The following DPP10 variants were observed in gnomAD, a reference collection of about 807,000 sequenced individuals.
DPP10 encodes the protein dipeptidyl peptidase like 10.
DPP10 carries 33 observed loss-of-function variants against 120.9 expected under a neutral mutation model. The observed-to-expected ratio is 0.27, with a 90% CI of 0.21 to 0.37. The LOEUF (loss-of-function observed/expected upper bound fraction) is 0.37, where lower values mean the gene tolerates loss of function less well. Among genes scored for constraint, DPP10 ranks in the 10% least tolerant of loss-of-function variants. DPP10 has a pLI of 1.00. For missense variants in DPP10, 816 were observed against 942.8 expected (o/e 0.87, Z 1.76); for synonymous variants, 337 against 326.1 (o/e 1.03, Z -0.36).
In DPP10 at chr2:115,374,657, C is replaced by T. The variant is rs145996892; in HGVS notation, c.271+30745C>T. 1.8e-4 allele frequency among the ~76,000 whole-genome samples: 27 copies of T among 152,330 alleles called. 2 individuals are homozygous for T. The East Asian group carries it at 3.7e-3, about 21-fold the overall frequency. On this transcript the variant is annotated intron_variant, in intron 3 of 25. Coordinates refer to ENST00000410059, the MANE Select transcript of DPP10 (RefSeq NM_020868.6). ...GCATACTTCTGCCTGGACATCCAGG[C>T]GTTTCCATATGTCATCTGAAATCCA...
chr2:115,410,223 A>G (rs2068839669), intron 3 of DPP10, among the ~76,000 whole-genome samples: 1 of 152,246 alleles, frequency 6.6e-6, no homozygotes, highest in African/African-American at 2.4e-5. Flanking sequence ...AAGACATGAA[A>G]TCAACTCAAA....
At position 114,692,201 on chromosome 2, in the gene DPP10, C is replaced by CT. The variant is rs536056001; in HGVS notation, c.60+249368dup. Among the ~76,000 whole-genome samples, 821 of 152,142 alleles carry CT rather than the reference C, an allele frequency of 5.4e-3. 8 individuals carry two copies. Among genetic ancestry groups the CT allele is most frequent in the African/African-American group, 0.019 (773 of 41,530 alleles). ...GGTTGTTAACTTGAGATCTTTCTAG[C>CT]TTTTTGATGTGGGCATTTAGTGCTA... On this transcript the variant is annotated intron_variant, in intron 1 of 25. Coordinates refer to ENST00000410059, the MANE Select transcript of DPP10 (RefSeq NM_020868.6).
At chr2:114,670,175 T>C (rs962248432) in intron 1 of DPP10, among the ~76,000 whole-genome samples, 3 of 152,176 alleles carry the variant, frequency 2.0e-5, no homozygotes, top group Admixed American at 1.3e-4. Context: ...ACTGGGTATA[T>C]ACCCAAAGGA....
chr2:115,156,041 T>A (rs1277073991), intron 1 of DPP10, among the ~76,000 whole-genome samples: 1 of 152,194 alleles, frequency 6.6e-6, no homozygotes, highest in Admixed American at 6.5e-5. Flanking sequence ...CCCAAAAAGA[T>A]ACAGATGTGT....
At chr2:115,085,065 C>A (rs941200367) in intron 1 of DPP10, among the ~76,000 whole-genome samples, 4 of 152,138 alleles carry the variant, frequency 2.6e-5, no homozygotes, top group African/African-American at 9.7e-5. Context: ...AGAGAAAATG[C>A]CAAGTGCCCC....
At chr2:115,472,428 C>G (rs2074790790) in intron 3 of DPP10, among the ~76,000 whole-genome samples, 2 of 152,090 alleles carry the variant, frequency 1.3e-5, no homozygotes, top group Non-Finnish European at 2.9e-5. Flanking sequence ...ATTCATTGTA[C>G]TGTTATTTTA....
rs1443846017 is a variant in DPP10 at position 114,859,584 on chromosome 2, T to C, written c.60+416746T>C. Reference sequence around the variant, plus strand: ...TTGATTTAAGAATAGCAATAATATATTTGATTTGAAATGGGACTCACATTT... The same window carrying C: ...TTGATTTAAGAATAGCAATAATATACTTGATTTGAAATGGGACTCACATTT... On this transcript the variant is annotated intron_variant, in intron 1 of 25. Coordinates refer to ENST00000410059, the MANE Select transcript of DPP10 (RefSeq NM_020868.6). Among the ~76,000 whole-genome samples, 3 of 152,204 alleles carry C rather than the reference T, an allele frequency of 2.0e-5. No homozygotes were observed. The East Asian group carries it at 5.8e-4, about 29-fold the overall frequency.
chr2:115,466,754 A>T (rs779932673), intron 3 of DPP10, among the ~76,000 whole-genome samples: 2 of 152,148 alleles, frequency 1.3e-5, no homozygotes, highest in Non-Finnish European at 2.9e-5. Flanking sequence ...GTAGTTCTAT[A>T]TTGGGTTCTA....
intron 1 of DPP10, among the ~76,000 whole-genome samples, chr2:115,097,257 T>C (rs775859073): frequency 2.6e-5 from 4 of 152,150 alleles, no homozygotes; most frequent in Non-Finnish European, 5.9e-5. Context: ...TAAATGCTCT[T>C]CTAACCTCAT....
intron 1 of DPP10, among the ~76,000 whole-genome samples, chr2:115,122,656 A>G (rs2049883731): frequency 6.6e-6 from 1 of 152,250 alleles, no homozygotes; most frequent in Non-Finnish European, 1.5e-5. Flanking sequence ...ACAAACTGGG[A>G]ATGTGGTCCT....
chr2:114,904,131 T>C (rs2106634829), intron 1 of DPP10, among the ~76,000 whole-genome samples: 1 of 152,304 alleles, frequency 6.6e-6, no homozygotes, highest in South Asian at 2.1e-4. Context: ...CAAAAAAATA[T>C]GGACATTAAG....
intron 19 of DPP10, among the ~76,000 whole-genome samples, chr2:115,796,727 A>G (rs939654161): frequency 1.3e-5 from 2 of 152,050 alleles, no homozygotes; most frequent in Non-Finnish European, 2.9e-5. Context: ...GATATTAGCT[A>G]CCATTTATTG....
chr2:114,543,512 G>T (rs1219973590), intron 1 of DPP10, among the ~76,000 whole-genome samples: 1 of 152,164 alleles, frequency 6.6e-6, no homozygotes, highest in Non-Finnish European at 1.5e-5. Flanking sequence ...AATGCTTCAC[G>T]CCGCCTCCTG....
At chr2:115,712,546 A>ATATATATATATATATATATATATATG (rs1559062149) in intron 7 of DPP10, among the ~76,000 whole-genome samples, 6 of 83,844 alleles carry the variant, frequency 7.2e-5, no homozygotes, top group African/African-American at 3.5e-4. Flanking sequence ...TGAATTAAAT[A>ATATATATATATATATATATATATATG]TATATATATA....
At chr2:115,397,999 C>T (rs749517882) in intron 3 of DPP10, among the ~76,000 whole-genome samples, 1 of 152,096 alleles carries the variant, frequency 6.6e-6, no homozygotes, top group Non-Finnish European at 1.5e-5. Flanking sequence ...AAAATGTTCA[C>T]GGCCAATTTC....
chr2:115,355,650 T>C (rs1216708827), intron 3 of DPP10, among the ~76,000 whole-genome samples: 1 of 152,226 alleles, frequency 6.6e-6, no homozygotes, highest in Non-Finnish European at 1.5e-5. Flanking sequence ...TCCTGAATGA[T>C]ACTGCCTAGG....
chr2:114,510,868 C>G (rs989034947), intron 1 of DPP10, among the ~76,000 whole-genome samples: 1 of 152,200 alleles, frequency 6.6e-6, no homozygotes, highest in African/African-American at 2.4e-5. Flanking sequence ...CACTCAAACA[C>G]AAATCTAGAT....
At chr2:115,248,809 C>T (rs1244261052) in intron 1 of DPP10, among the ~76,000 whole-genome samples, 1 of 152,024 alleles carries the variant, frequency 6.6e-6, no homozygotes, top group African/African-American at 2.4e-5. Context: ...ACCAATCATG[C>T]TTGTGTTAAT....
At chr2:115,227,709 A>G (rs985028399) in intron 1 of DPP10, among the ~76,000 whole-genome samples, 1 of 152,098 alleles carries the variant, frequency 6.6e-6, no homozygotes, top group East Asian at 1.9e-4. Flanking sequence ...CATCTAATGC[A>G]TTTGAGATTC....
Sources: gnomAD v4.1 joint callset for allele counts (sites outside exome capture counted in the v4.1 genomes callset) on GRCh38, gnomAD v4.1.1 for gene constraint, MANE v1.5 for transcripts, NCBI Gene and HGNC (gene_info 2026-07-23, HGNC 2026-07-21) for gene names.